The following RAB27B variants were observed in gnomAD, a reference collection of about 807,000 sequenced individuals.
RAB27B encodes the protein RAB27B, member RAS oncogene family.
In RAB27B, 15 loss-of-function variants were observed where a neutral mutation model predicts 24.6. The ratio of observed to expected loss-of-function variants is 0.61; its 90% CI spans 0.41 to 0.94. The LOEUF (loss-of-function observed/expected upper bound fraction) is 0.94. RAB27B is among the 40% of genes least tolerant of loss of function. RAB27B has a pLI of 0.00. For synonymous variants in RAB27B, 105 were observed against 92.5 expected, an observed-to-expected ratio of 1.14 and a Z score of -0.78; for missense variants, 261 against 266.8, an observed-to-expected ratio of 0.98 and a Z score of 0.15.
At chr18:54,748,574 G>T (rs1910328928) in intron 2 of RAB27B, among the ~76,000 whole-genome samples, 1 of 152,144 alleles carries the variant, frequency 6.6e-6, no homozygotes, top group East Asian at 1.9e-4. Context: ...TGAGTCTCCT[G>T]GGGAGGCTGG....
intron 2 of RAB27B, among the ~76,000 whole-genome samples, chr18:54,779,995 C>T (rs879941174): frequency 0.018 from 2,552 of 138,202 alleles, 30 homozygotes; most frequent in African/African-American, 0.027. Context: ...CTCCTGAGGG[C>T]TTCCCCCTCA....
At chr18:54,732,612 G>A (rs750835906) in intron 2 of RAB27B, among the ~76,000 whole-genome samples, 1 of 152,080 alleles carries the variant, frequency 6.6e-6, no homozygotes, top group Non-Finnish European at 1.5e-5. Context: ...TAATCAACAT[G>A]TGTAAAAGAA....
chr18:54,783,829 C>T lies in RAB27B; in HGVS notation c.-20+65688C>T, dbSNP rs141533953. Among the ~76,000 whole-genome samples the T allele has an allele frequency of 2.9e-3, 438 of 152,206 alleles. 6 individuals are homozygous for T. The highest frequency in any genetic ancestry group is 0.028 in the South Asian group (136 of 4,812). On this transcript the variant is annotated intron_variant, in intron 2 of 4. Transcript: ENST00000586570. ...GTGGAAAATGAATGCCAAACATGTC[C>T]CAAGTTTACAGTCACTCCTCAAGAG...
intron 1 of RAB27B, among the ~76,000 whole-genome samples, chr18:54,846,249 A>G (rs576391854): frequency 3.9e-4 from 60 of 152,344 alleles, no homozygotes; most frequent in Non-Finnish European, 6.8e-4. Flanking sequence ...TCAACTATAT[A>G]TTATATAAGA....
chr18:54,841,481 C>T (rs181950316), intron 1 of RAB27B, among the ~76,000 whole-genome samples: 1 of 152,082 alleles, frequency 6.6e-6, no homozygotes, highest in East Asian at 1.9e-4. Context: ...CGAGGGTCCT[C>T]GAACCAATCC....
intron 1 of RAB27B, among the ~76,000 whole-genome samples, chr18:54,845,264 C>T (rs563547165): frequency 7.2e-5 from 11 of 151,814 alleles, no homozygotes; most frequent in African/African-American, 2.2e-4. Context: ...AAAATTACCC[C>T]GGTGTGGTGG....
upstream of RAB27B, among the ~76,000 whole-genome samples, chr18:54,824,913 A>G (rs952597890): frequency 2.6e-5 from 4 of 151,234 alleles, no homozygotes; most frequent in African/African-American, 9.7e-5. Flanking sequence ...TGGAGAATTT[A>G]TTTTACTGCC....
At chr18:54,794,617 G>A (rs1909356620) in intron 2 of RAB27B, among the ~76,000 whole-genome samples, 1 of 152,150 alleles carries the variant, frequency 6.6e-6, no homozygotes, top group Admixed American at 6.5e-5. Flanking sequence ...AAAATTCTTG[G>A]AATGGCTGTT....
At chr18:54,763,787 A>T (rs1908273204) in intron 2 of RAB27B, among the ~76,000 whole-genome samples, 1 of 152,112 alleles carries the variant, frequency 6.6e-6, no homozygotes, top group South Asian at 2.1e-4. Context: ...TTAAGTACTA[A>T]AGTCCCACAC....
intron 1 of RAB27B, among the ~76,000 whole-genome samples, chr18:54,843,111 T>G (rs1160164181): frequency 6.6e-6 from 1 of 152,174 alleles, no homozygotes; most frequent in Non-Finnish European, 1.5e-5. Context: ...TATTATTTTT[T>G]AATGGACAGG....
chr18:54,805,422 G>A (rs1230423797), intron 2 of RAB27B, among the ~76,000 whole-genome samples: 2 of 152,074 alleles, frequency 1.3e-5, no homozygotes, highest in Non-Finnish European at 2.9e-5. Context: ...TCCTTTTTCT[G>A]TGCTTGTAGA....
intron 1 of RAB27B, among the ~76,000 whole-genome samples, chr18:54,837,849 T>G (rs940983590): frequency 2.6e-4 from 40 of 152,266 alleles, no homozygotes; most frequent in Non-Finnish European, 4.6e-4. Context: ...ATAATAAATA[T>G]GCCTGTAGCT....
At chr18:54,856,188 T>C (rs1337943037) in intron 1 of RAB27B, among the ~76,000 whole-genome samples, 1 of 152,204 alleles carries the variant, frequency 6.6e-6, no homozygotes, top group East Asian at 1.9e-4. Context: ...GATCTCTCTG[T>C]AGAAGAAAAA....
chr18:54,876,539 C>A (rs937617839), intron 1 of RAB27B, among the ~76,000 whole-genome samples: 16 of 151,982 alleles, frequency 1.1e-4, no homozygotes, highest in African/African-American at 3.9e-4. Context: ...TAATATAGCC[C>A]ATGATTCAGG....
intron 1 of RAB27B, among the ~76,000 whole-genome samples, chr18:54,848,959 A>T (rs965369131): frequency 2.6e-5 from 4 of 152,242 alleles, no homozygotes; most frequent in Non-Finnish European, 5.9e-5. Flanking sequence ...TATTCAAATA[A>T]TGGCTCAAAC....
intron 2 of RAB27B, among the ~76,000 whole-genome samples, chr18:54,739,774 C>T (rs1189784622): frequency 6.6e-6 from 1 of 152,118 alleles, no homozygotes; most frequent in Non-Finnish European, 1.5e-5. Flanking sequence ...TTCCCATCAG[C>T]ATTTCGTATT....
In RAB27B at chr18:54,833,151, G is replaced by C. The variant is rs547796375; in HGVS notation, c.-20+4451G>C. 2.6e-5 allele frequency among the ~76,000 whole-genome samples: 4 copies of C among 152,050 alleles called. No individual in the cohort carries two copies. In the South Asian group the frequency reaches 8.3e-4, roughly 32 times the overall value. On this transcript the variant is annotated intron_variant, in intron 1 of 5. Coordinates refer to ENST00000262094, the MANE Select transcript of RAB27B (RefSeq NM_004163.4). The stretch of plus-strand genomic sequence containing the variant: ...GGAAAAAATGCTCAGGAGAGCAAAA[G>C]ATTATTTTCACATTGTTTGAAACAA...
At chr18:54,781,445 A>T (rs1037477694) in intron 2 of RAB27B, among the ~76,000 whole-genome samples, 2 of 152,028 alleles carry the variant, frequency 1.3e-5, no homozygotes, top group African/African-American at 4.8e-5. Flanking sequence ...CAAGGTCCAG[A>T]GAGCTTGCCT....
chr18:54,743,847 C>T (rs7230195), intron 2 of RAB27B, among the ~76,000 whole-genome samples: 8,313 of 152,156 alleles, frequency 0.055, 288 homozygotes, highest in Admixed American at 0.085. Context: ...CATGCTCTGT[C>T]ACGTGTTAAT....
Sources: allele counts gnomAD v4.1 joint callset (sites outside exome capture counted in the v4.1 genomes callset), GRCh38; gene constraint gnomAD v4.1.1; transcripts MANE v1.5; gene names NCBI Gene and HGNC (gene_info 2026-07-23, HGNC 2026-07-21).